GRB14: variants seen among roughly 807,000 people sequenced by gnomAD.
GRB14 encodes the protein growth factor receptor-bound protein 14.
In GRB14, 38 loss-of-function variants were observed where a neutral mutation model predicts 69.1. That is an observed-to-expected ratio of 0.55 (90% CI 0.42 to 0.72). The LOEUF (loss-of-function observed/expected upper bound fraction) is 0.72, where lower values mean the gene tolerates loss of function less well. GRB14 is among the 30% of genes least tolerant of loss of function. The pLI, the probability that GRB14 is intolerant of heterozygous loss-of-function variation, is 0.00. For synonymous variants in GRB14, 247 were observed against 241.3 expected (o/e 1.02, Z -0.22); for missense variants, 666 against 666.1 (o/e 1.00, Z 0.00).
intron 2 of GRB14, among the ~76,000 whole-genome samples, chr2:164,570,276 A>G (rs1458558151): frequency 2.4e-5 from 2 of 84,312 alleles, no homozygotes; most frequent in African/African-American, 6.9e-5. Context: ...GACTCCATCT[A>G]AAAAAAAAAA....
At chr2:164,527,211 A>G (rs1687802035) in intron 3 of GRB14, 76 bp from the exon 4 acceptor site, 1 of 269,902 alleles carries the variant, frequency 3.7e-6, no homozygotes, top group East Asian at 1.1e-4. Flanking sequence ...ATATATATAT[A>G]TATATATATA....
intron 2 of GRB14, among the ~76,000 whole-genome samples, chr2:164,581,087 C>T (rs1339434902): frequency 6.6e-5 from 10 of 152,150 alleles, no homozygotes; most frequent in South Asian, 6.2e-4. Flanking sequence ...ATTGTATTTC[C>T]ACTATGACAT....
intron 3 of GRB14, 85 bp from the exon 4 acceptor site, chr2:164,527,220 T>C (rs112130217): frequency 0.1 from 17,511 of 173,484 alleles, 1,998 homozygotes; most frequent in African/African-American, 0.34. Context: ...TATATATATA[T>C]ACACACACAG....
intron 3 of GRB14, among the ~76,000 whole-genome samples, chr2:164,533,301 C>A (rs183948327): frequency 7.5e-6 from 1 of 133,318 alleles, no homozygotes; most frequent in East Asian, 2.3e-4. Context: ...GGCGCAATCT[C>A]GGCTCACTGC....
intron 3 of GRB14, among the ~76,000 whole-genome samples, chr2:164,533,904 AAAAAT>A (rs1326302077): frequency 6.6e-6 from 1 of 152,240 alleles, no homozygotes; most frequent in Non-Finnish European, 1.5e-5. Flanking sequence ...CCAATCTTGA[AAAAAT>A]AAAATAAAGG....
chr2:164,581,766 T>C (rs1689411950), intron 2 of GRB14, among the ~76,000 whole-genome samples: 1 of 152,244 alleles, frequency 6.6e-6, no homozygotes, highest in South Asian at 2.1e-4. Context: ...AGAAGTTCTA[T>C]ATTATGATCT....
chr2:164,493,099 A>G lies in GRB14; in HGVS notation c.1560T>C (p.Tyr520=), dbSNP rs761775253. ...FTDLIQLVEF[Y]QLNKGVLPCK... is the part of the protein sequence containing the mutation. ...AAGGAAGAACGCCCTTATTGAGTTG[A>G]TAGAACTCCACCAGCTGTATTAGAT... The change falls in exon 14 of 14, where the codon TAT becomes TAC. Residue 520 remains tyrosine, a synonymous_variant. Transcript: ENST00000263915. 3 of 1,613,644 alleles carry G rather than the reference A, an allele frequency of 1.9e-6. No homozygotes were observed. Among genetic ancestry groups the G allele is most frequent in the Non-Finnish European group, 2.5e-6 (3 of 1,179,642 alleles).
intron 2 of GRB14, among the ~76,000 whole-genome samples, chr2:164,587,469 T>A (rs1689565467): frequency 6.6e-6 from 1 of 152,202 alleles, no homozygotes; most frequent in South Asian, 2.1e-4. Context: ...AAAATGCAGT[T>A]TATTGGAACA....
rs1276842460 is a variant in GRB14, at chr2:164,599,998, C to T, written c.324+19689G>A. Among the ~76,000 whole-genome samples the T allele has an allele frequency of 2.0e-5, 3 of 152,120 alleles. No individual in the cohort carries two copies. The East Asian group carries it at 5.8e-4, about 29-fold the overall frequency. ...TTAACTTATAAAAACTTCACATGATCCTTACTTAAATAAGTTTCAGCAAGT... is the reference window on the plus strand; with the variant it reads ...TTAACTTATAAAAACTTCACATGATTCTTACTTAAATAAGTTTCAGCAAGT... On this transcript the variant is annotated intron_variant, in intron 2 of 13. Coordinates refer to ENST00000263915, the MANE Select transcript of GRB14 (RefSeq NM_004490.3).
At chr2:164,538,990 C>G (rs945884244) in intron 3 of GRB14, among the ~76,000 whole-genome samples, 1 of 151,910 alleles carries the variant, frequency 6.6e-6, no homozygotes, top group African/African-American at 2.4e-5. Flanking sequence ...CAGAGGCAAA[C>G]CGACCGCAGA....
chr2:164,497,351 G>A (rs1432993220), intron 10 of GRB14, 23 bp downstream of exon 10: 5 of 1,600,668 alleles, frequency 3.1e-6, no homozygotes, highest in African/African-American at 1.3e-5. Flanking sequence ...TAAATATTTT[G>A]AAGCATGTGA....
At chr2:164,553,214 G>T (rs564254809) in intron 2 of GRB14, among the ~76,000 whole-genome samples, 38 of 152,148 alleles carry the variant, frequency 2.5e-4, no homozygotes, top group Admixed American at 2.1e-3. Flanking sequence ...TTAAAAAAGG[G>T]CTAGAAAAGA....
At chr2:164,557,821 C>T (rs943560130) in intron 2 of GRB14, among the ~76,000 whole-genome samples, 4 of 152,258 alleles carry the variant, frequency 2.6e-5, no homozygotes, top group Non-Finnish European at 4.4e-5. Context: ...TAGGGTCATG[C>T]CTGGCTAAAG....
chr2:164,582,421 ATTATTT>A (rs1457455713), intron 2 of GRB14, among the ~76,000 whole-genome samples: 31 of 89,278 alleles, frequency 3.5e-4, no homozygotes, highest in South Asian at 3.0e-3. Flanking sequence ...TTATTTATTT[ATTATTT>A]TTTTTTTTTT....
intron 2 of GRB14, among the ~76,000 whole-genome samples, chr2:164,586,740 C>A (rs1183710390): frequency 1.3e-5 from 2 of 152,106 alleles, no homozygotes; most frequent in African/African-American, 4.8e-5. Context: ...AGATTCAAAT[C>A]CCTTGATCAA....
chr2:164,612,407 A>T (rs1358971789), intron 2 of GRB14, among the ~76,000 whole-genome samples: 6 of 152,234 alleles, frequency 3.9e-5, no homozygotes, highest in Admixed American at 6.5e-5. Context: ...AGAAAAGGAC[A>T]AGAATTAAAG....
At chr2:164,617,980 A>C in intron 2 of GRB14, among the ~76,000 whole-genome samples, 2 of 116,414 alleles carry the variant, frequency 1.7e-5, no homozygotes, top group Non-Finnish European at 1.8e-5. Flanking sequence ...GGGTAGTGTC[A>C]GCGGGGGACA....
chr2:164,618,999 T>C (rs79832110), intron 2 of GRB14, among the ~76,000 whole-genome samples: 57 of 152,274 alleles, frequency 3.7e-4, no homozygotes, highest in African/African-American at 1.3e-3. Context: ...ACTATTTTTT[T>C]CCCCTCCAAA....
chr2:164,522,454 T>C (rs553525740), intron 5 of GRB14, among the ~76,000 whole-genome samples: 1 of 152,254 alleles, frequency 6.6e-6, no homozygotes, highest in East Asian at 1.9e-4. Context: ...GTTATCTAAC[T>C]ACCAAAATTA....
Sources: gnomAD v4.1 joint callset for allele counts (sites outside exome capture counted in the v4.1 genomes callset) on GRCh38, gnomAD v4.1.1 for gene constraint, MANE v1.5 for transcripts, NCBI Gene and HGNC (gene_info 2026-07-23, HGNC 2026-07-21) for gene names.